The following ZNF704 variants were observed in gnomAD, a reference collection of about 807,000 sequenced individuals.
ZNF704 encodes the protein glucocorticoid induced gene 1.
In ZNF704, 10 loss-of-function variants were observed where a neutral mutation model predicts 44.7. The ratio of observed to expected loss-of-function variants is 0.22; its 90% confidence interval spans 0.14 to 0.38. The LOEUF (loss-of-function observed/expected upper bound fraction) is 0.38. Among genes scored for constraint, ZNF704 ranks in the 10% least tolerant of loss-of-function variants. The pLI, the probability that ZNF704 is intolerant of heterozygous loss-of-function variation, is 1.00. For synonymous variants in ZNF704, 211 were observed against 207.6 expected (o/e 1.02, Z -0.14); for missense variants, 390 against 545.5 (o/e 0.71, Z 2.84).
At chr8:80,702,615 G>A (rs1818829147) in intron 2 of ZNF704, among the ~76,000 whole-genome samples, 1 of 152,088 alleles carries the variant, frequency 6.6e-6, no homozygotes, top group Non-Finnish European at 1.5e-5. Flanking sequence ...GAAAAGATGG[G>A]GACAAATTGA....
chr8:80,733,265 T>C lies in ZNF704; in HGVS notation c.222-40158A>G, dbSNP rs368890606. ...ATAGTAAATGTGTTATGTGGAGCCCTGTGTTTCCATTATCTGTTATTTTCA... is the reference window on the plus strand; with the variant it reads ...ATAGTAAATGTGTTATGTGGAGCCCCGTGTTTCCATTATCTGTTATTTTCA... On this transcript the variant is annotated intron_variant, in intron 2 of 8. Transcript: ENST00000327835. Among the ~76,000 whole-genome samples the C allele has an allele frequency of 9.8e-5, 15 of 152,330 alleles. No individual in the cohort carries two copies. The East Asian group carries it at 2.9e-3, about 29-fold the overall frequency.
Position 80,635,560 on chromosome 8 carries a change from C to G in ZNF704, c.*5806G>C, listed in dbSNP as rs1192959661. On this transcript the variant is annotated 3_prime_UTR_variant, in exon 9 of 9. Transcript: ENST00000327835. ...CTGTCTACTATGATTTTAGAAATTT[C>G]CACCAAATGATACTTGCTAGTTAAA... 6.6e-6 allele frequency: 1 copy of G among 152,150 alleles called. No homozygotes were observed. Among genetic ancestry groups the G allele is most frequent in the Non-Finnish European group, 1.5e-5 (1 of 68,028 alleles). 9.4% of individuals were successfully genotyped at this position (152,150 alleles called of 1,614,324 possible).
intron 2 of ZNF704, among the ~76,000 whole-genome samples, chr8:80,752,166 T>C (rs1369478150): frequency 6.6e-6 from 1 of 152,228 alleles, no homozygotes; most frequent in Non-Finnish European, 1.5e-5. Context: ...TGTTAATACA[T>C]TCAACACAGA....
chr8:80,750,643 G>A (rs906967845), intron 2 of ZNF704, among the ~76,000 whole-genome samples: 1 of 151,990 alleles, frequency 6.6e-6, no homozygotes, highest in Non-Finnish European at 1.5e-5. Context: ...AGCCTCCCGA[G>A]TAGCTGGGAT....
intron 1 of ZNF704, among the ~76,000 whole-genome samples, chr8:80,831,685 CA>C (rs1195763545): frequency 6.6e-6 from 1 of 152,174 alleles, no homozygotes; most frequent in Non-Finnish European, 1.5e-5. Flanking sequence ...ACAGCACTAA[CA>C]AATGAAGATG....
At chr8:80,683,004 G>C (rs564813352) in intron 4 of ZNF704, among the ~76,000 whole-genome samples, 1 of 152,156 alleles carries the variant, frequency 6.6e-6, no homozygotes, top group Middle Eastern at 3.2e-3. Context: ...TCTGATCAGC[G>C]CTTCTTGACT....
chr8:80,800,118 G>GA (rs981183194), intron 2 of ZNF704, among the ~76,000 whole-genome samples: 2 of 152,074 alleles, frequency 1.3e-5, no homozygotes, highest in Admixed American at 1.3e-4. Flanking sequence ...CAAGAACAGA[G>GA]AAAAAATAAC....
intron 2 of ZNF704, among the ~76,000 whole-genome samples, chr8:80,700,936 G>T (rs1818800270): frequency 6.6e-6 from 1 of 151,824 alleles, no homozygotes; most frequent in African/African-American, 2.4e-5. Context: ...CCATCTCCCA[G>T]AGACAGCCAG....
At chr8:80,864,606 T>TC (rs1809122554) in intron 1 of ZNF704, among the ~76,000 whole-genome samples, 1 of 152,166 alleles carries the variant, frequency 6.6e-6, no homozygotes, top group African/African-American at 2.4e-5. Context: ...TGTCTAGACA[T>TC]CTCCCTAACA....
chr8:80,846,989 G>A (rs965249778), intron 1 of ZNF704, among the ~76,000 whole-genome samples: 3 of 151,936 alleles, frequency 2.0e-5, no homozygotes, highest in Admixed American at 1.3e-4. Context: ...CCTGGCCAAC[G>A]TGGCGAAACC....
intron 4 of ZNF704, among the ~76,000 whole-genome samples, chr8:80,675,032 C>T (rs777300207): frequency 1.9e-4 from 29 of 152,302 alleles, no homozygotes; most frequent in Non-Finnish European, 3.5e-4. Context: ...GAATATTCTA[C>T]GTTCTGGGGA....
upstream of ZNF704, among the ~76,000 whole-genome samples, chr8:80,875,136 A>G (rs938769448): frequency 6.6e-6 from 1 of 152,174 alleles, no homozygotes; most frequent in Non-Finnish European, 1.5e-5. Context: ...TACTTAAGAA[A>G]TTAATATGAA....
intron 2 of ZNF704, among the ~76,000 whole-genome samples, chr8:80,708,536 T>C (rs1818932036): frequency 6.6e-6 from 1 of 152,254 alleles, no homozygotes; most frequent in Non-Finnish European, 1.5e-5. Context: ...ACACGTGGCT[T>C]CTAAGCCTAG....
At chr8:80,737,225 C>G (rs897581390) in intron 2 of ZNF704, among the ~76,000 whole-genome samples, 1 of 152,204 alleles carries the variant, frequency 6.6e-6, no homozygotes, top group East Asian at 1.9e-4. Context: ...TTTCTGTGGT[C>G]AGGAATTTGG....
rs1308156085 is a variant in ZNF704, at chr8:80,874,241, C to CGCCGGCG, written c.-22+323_-22+329dup. Among the ~76,000 whole-genome samples the CGCCGGCG allele has an allele frequency of 6.5e-4, 94 of 144,422 alleles. No homozygotes were observed. Among genetic ancestry groups the CGCCGGCG allele is most frequent in the African/African-American group, 2.1e-3 (86 of 40,050 alleles). 94.7% of individuals were successfully genotyped at this position (144,422 alleles called of 152,430 possible). On this transcript the variant is annotated intron_variant, in intron 1 of 8. Coordinates refer to ENST00000327835, the MANE Select transcript of ZNF704 (RefSeq NM_001033723.3). This position sits in a 1 kb window ranked among gnomAD's most constrained non-coding sequence, Gnocchi z 4.4. ...CCTTCGCTGGACCGGCCGGCGGGGACGCCGGCGGCCGGCGGCTACGGCGGG... is the reference window on the plus strand; with the variant it reads ...CCTTCGCTGGACCGGCCGGCGGGGACGCCGGCGGCCGGCGGCCGGCGGCTACGGCGGG...
chr8:80,779,042 T>G (rs1354935403), intron 2 of ZNF704, among the ~76,000 whole-genome samples: 1 of 152,114 alleles, frequency 6.6e-6, no homozygotes, highest in Non-Finnish European at 1.5e-5. Context: ...CCCATTACAT[T>G]AGTTATGTAT....
At chr8:80,702,824 C>T (rs887213020) in intron 2 of ZNF704, among the ~76,000 whole-genome samples, 5 of 151,988 alleles carry the variant, frequency 3.3e-5, no homozygotes, top group African/African-American at 4.8e-5. Flanking sequence ...AGGTGAAAGT[C>T]GCTGGATCGG....
chr8:80,710,436 G>T (rs1818967002), intron 2 of ZNF704, among the ~76,000 whole-genome samples: 1 of 152,046 alleles, frequency 6.6e-6, no homozygotes, highest in African/African-American at 2.4e-5. Flanking sequence ...TAAGTGGTGG[G>T]GTTTGGATTT....
chr8:80,781,122 C>T (rs976609899), intron 2 of ZNF704, among the ~76,000 whole-genome samples: 1 of 152,138 alleles, frequency 6.6e-6, no homozygotes, highest in African/African-American at 2.4e-5. Context: ...TCACTGTTCG[C>T]CTAGGGGTGA....
Sources: allele counts gnomAD v4.1 joint callset (sites outside exome capture counted in the v4.1 genomes callset), GRCh38; gene constraint gnomAD v4.1.1; non-coding constraint Gnocchi (gnomAD v3.1); transcripts MANE v1.5; gene names NCBI Gene and HGNC (gene_info 2026-07-23, HGNC 2026-07-21).